Variants in LTN1 observed in about 807,000 individuals in gnomAD.
LTN1 encodes E3 ubiquitin-protein ligase listerin.
In LTN1, 88 loss-of-function variants were observed where a neutral mutation model predicts 201.2. The observed-to-expected ratio is 0.44, with a 90% CI of 0.37 to 0.52. LTN1 has a LOEUF of 0.52. Ranked by LOEUF, LTN1 falls within the 20% of genes least tolerant of loss-of-function variation. The pLI is 0.00. For missense variants in LTN1, 1,752 were observed against 2,038.7 expected (o/e 0.86, Z 2.71); for synonymous variants, 645 against 713.5 (o/e 0.90, Z 1.53).
At chr21:28,977,638 G>A (rs560451763) in intron 6 of LTN1, among the ~76,000 whole-genome samples, 1 of 152,208 alleles carries the variant, frequency 6.6e-6, no homozygotes, top group African/African-American at 2.4e-5. Context: ...CAGGAGAACA[G>A]CTTGAACCTG....
At chr21:28,943,435 A>G (rs944209924) in intron 23 of LTN1, 99 bp from the exon 24 acceptor site, 1 of 749,928 alleles carries the variant, frequency 1.3e-6, no homozygotes, top group African/African-American at 1.8e-5. Context: ...TAATGAGTAA[A>G]TGTTTTAATG....
chr21:28,928,411 C>T lies in LTN1; in HGVS notation c.*2037G>A, dbSNP rs1244413298. 1 of 152,142 alleles carries T rather than the reference C, an allele frequency of 6.6e-6. No individual in the cohort carries two copies. Among genetic ancestry groups the T allele is most frequent in the Non-Finnish European group, 1.5e-5 (1 of 67,960 alleles). The allele number at this position is 152,142 out of a possible 1,614,324, so 9.4% of individuals were successfully genotyped here. ...ACATTGGAGCATGTGATAAAAGAGT[C>T]AAAAATAAATTTTAAAATTTGCAAT... On this transcript the variant is annotated 3_prime_UTR_variant, in exon 30 of 30. Transcript: ENST00000361371.
intron 6 of LTN1, among the ~76,000 whole-genome samples, chr21:28,974,744 G>A (rs1714089451): frequency 6.6e-6 from 1 of 152,148 alleles, no homozygotes; most frequent in Non-Finnish European, 1.5e-5. Context: ...TATTTTAACA[G>A]CCTAAATCTA....
intron 9 of LTN1, 30 bp downstream of exon 9, chr21:28,969,436 A>G (rs754468402): frequency 3.1e-6 from 5 of 1,588,416 alleles, no homozygotes; most frequent in Non-Finnish European, 4.3e-6. Flanking sequence ...CAGTATGCAA[A>G]GAGACTGACG....
In LTN1 at chr21:28,966,643, A is replaced by T. The variant is rs1360442269; in HGVS notation, c.1848T>A (p.Phe616Leu). Residue 616 changes from phenylalanine to leucine, a missense_variant, in exon 10 of 30, where the codon TTT becomes TTA. Physicochemically the swap from Phe to Leu is conservative, Grantham distance 22. Transcript: ENST00000361371. ...NERKSEQHLR[F>L]LSTLLDSFSS... ...AAAAGGAGTCAAGCAGAGTAGAAAG[A>T]AACCTTAGATGTTGCTCTGACTTTC... The T allele has an allele frequency of 1.2e-6, 2 of 1,614,086 alleles. No individual in the cohort carries two copies. The highest frequency in any genetic ancestry group is 1.7e-6 in the Non-Finnish European group (2 of 1,180,016).
At chr21:28,956,726 G>T (rs2084428237) in intron 16 of LTN1, 36 bp downstream of exon 16, 1 of 1,047,296 alleles carries the variant, frequency 9.5e-7, no homozygotes, top group Non-Finnish European at 1.3e-6. Flanking sequence ...ATTCATTCAT[G>T]CATTATGTTA....
chr21:28,950,576 C>T (rs1233274448), intron 18 of LTN1, among the ~76,000 whole-genome samples: 1 of 152,098 alleles, frequency 6.6e-6, no homozygotes, highest in Non-Finnish European at 1.5e-5. Context: ...AGTGCAGTGG[C>T]GTGATCTCTG....
intron 4 of LTN1, among the ~76,000 whole-genome samples, chr21:28,982,733 T>A (rs1395385183): frequency 1.3e-5 from 2 of 152,190 alleles, no homozygotes; most frequent in African/African-American, 4.8e-5. Context: ...CACCATACAT[T>A]GTGCTCTGCT....
chr21:28,964,690 A>G (rs1162205249), intron 11 of LTN1: 2 of 1,550,506 alleles, frequency 1.3e-6, no homozygotes, highest in Non-Finnish European at 1.7e-6. Context: ...ACTGGCTAGG[A>G]ACTTCCAATC....
In LTN1 at chr21:28,930,284, T is replaced by A; in HGVS notation, c.*164A>T. The A allele has an allele frequency of 2.2e-6, 1 of 449,894 alleles. No homozygotes were observed. The highest frequency in any genetic ancestry group is 4.0e-6 in the Non-Finnish European group (1 of 248,806). 27.9% of individuals were successfully genotyped at this position (449,894 alleles called of 1,614,324 possible). On this transcript the variant is annotated 3_prime_UTR_variant, in exon 30 of 30. Transcript: ENST00000361371. ...ATTTACAAAGCAATCTAAAGTTAAG[T>A]AAACCTGATTTTAGGATTATTACAT... is the stretch of plus-strand genomic sequence containing the variant.
intron 16 of LTN1, 106 bp from the exon 17 acceptor site, chr21:28,953,482 C>T: frequency 1.4e-6 from 1 of 720,416 alleles, no homozygotes; most frequent in Non-Finnish European, 2.2e-6. Context: ...GCCCACTCAT[C>T]TCAAAACTCC....
chr21:28,965,494 C>T (rs1392471792), intron 11 of LTN1, among the ~76,000 whole-genome samples: 1 of 152,092 alleles, frequency 6.6e-6, no homozygotes, highest in Non-Finnish European at 1.5e-5. Context: ...ATGTGTTCTA[C>T]CCAAAGCTAG....
intron 18 of LTN1, among the ~76,000 whole-genome samples, chr21:28,949,336 C>G (rs1187526327): frequency 3.3e-5 from 5 of 152,024 alleles, no homozygotes; most frequent in African/African-American, 1.2e-4. Flanking sequence ...TTCAGAAATA[C>G]TATATAAAAA....
In LTN1 at chr21:28,984,750, G is replaced by A; in HGVS notation, c.518C>T (p.Ala173Val). The A allele has an allele frequency of 6.2e-7, 1 of 1,614,112 alleles. No homozygotes were observed. The highest frequency in any genetic ancestry group is 8.5e-7 in the Non-Finnish European group (1 of 1,180,012). The change falls in exon 4 of 30, where the codon GCT (alanine) becomes GTT (valine). Residue 173 changes from alanine to valine, a missense_variant. Ala to Val is a moderately conservative substitution (Grantham distance 64, BLOSUM62 0). Transcript: ENST00000361371. ...AFAAKDAFEAAFPPSKQPEAI... is the reference protein window; with the variant it reads ...AFAAKDAFEAVFPPSKQPEAI... ...TTCAGGTTGCTTGCTTGGAGGAAAAGCCGCTTCAAATGCATCTTTTGCTGC... is the reference window on the plus strand; with the variant it reads ...TTCAGGTTGCTTGCTTGGAGGAAAAACCGCTTCAAATGCATCTTTTGCTGC...
chr21:28,983,094 A>G (rs551582812), intron 4 of LTN1, among the ~76,000 whole-genome samples: 3 of 152,340 alleles, frequency 2.0e-5, no homozygotes, highest in African/African-American at 7.2e-5. Context: ...ATGATATACT[A>G]TCTATAATGC....
chr21:28,942,698 A>G lies in LTN1; in HGVS notation c.4295+564T>C, dbSNP rs565778336. The stretch of plus-strand genomic sequence containing the variant: ...TCCTGTCCTGCAGAAATGCTACCTA[A>G]CCTTAAAGGTCCAGTTTAAATGCCT... On this transcript the variant is annotated intron_variant, in intron 24 of 29. Transcript: ENST00000361371. 4.6e-5 allele frequency among the ~76,000 whole-genome samples: 7 copies of G among 152,180 alleles called. No homozygotes were observed. In the South Asian group the frequency reaches 1.5e-3, roughly 32 times the overall value.
At chr21:28,960,057 G>A (rs1456130883) in intron 12 of LTN1, among the ~76,000 whole-genome samples, 2 of 151,986 alleles carry the variant, frequency 1.3e-5, no homozygotes, top group Non-Finnish European at 2.9e-5. Context: ...AACAATTAGG[G>A]TGCTTACAAT....
In LTN1 at chr21:28,960,789, A is replaced by G. The variant is rs1400058609; in HGVS notation, c.2164-83T>C. 3 of 910,442 alleles carry G rather than the reference A, an allele frequency of 3.3e-6. No homozygotes were observed. In the African/African-American group the frequency reaches 5.0e-5, roughly 15 times the overall value. 56.4% of individuals were successfully genotyped at this position (910,442 alleles called of 1,614,324 possible). ...AAAATATTACTTGTACCATATTACT[A>G]TCCCTTCGTTATCATGGCTCCAATT... On this transcript the variant is annotated intron_variant, in intron 11 of 29. Transcript: ENST00000361371.
At chr21:28,944,234 G>T in intron 22 of LTN1, 149 bp downstream of exon 22, 2 of 644,294 alleles carry the variant, frequency 3.1e-6, no homozygotes, top group Non-Finnish European at 2.7e-6. Context: ...AAGCATAGAT[G>T]ATGCTTCTGA....
Sources: gnomAD v4.1 joint callset for allele counts (sites outside exome capture counted in the v4.1 genomes callset) on GRCh38, gnomAD v4.1.1 for gene constraint, MANE v1.5 for transcripts, NCBI Gene and HGNC (gene_info 2026-07-23, HGNC 2026-07-21) for gene names.